The following SLC25A43 variants were observed in gnomAD, a reference collection of about 807,000 sequenced individuals.
The protein encoded by SLC25A43 is solute carrier family 25, member 43.
A neutral mutation model predicts 22.8 loss-of-function variants in SLC25A43; 10 were observed. The observed-to-expected ratio is 0.44, with a 90% CI of 0.27 to 0.74. SLC25A43 has a LOEUF of 0.74. SLC25A43 is among the 30% of genes least tolerant of loss of function. The probability of loss-of-function intolerance (pLI) is 0.17; values close to 1 mark genes in which losing one functional copy is unlikely to be tolerated. For missense variants in SLC25A43, 233 were observed against 279.1 expected (o/e 0.83, Z 1.18); for synonymous variants, 106 against 121.6 (o/e 0.87, Z 0.84).
At chrX:119,418,470 G>A (rs775421423) in intron 3 of SLC25A43, among the ~76,000 whole-genome samples, 1 of 111,729 alleles carries the variant, frequency 9.0e-6, no homozygotes, top group East Asian at 2.8e-4. Flanking sequence ...AATTTTTCTC[G>A]ATCCCTGCAC....
Position 119,399,488 on chromosome X carries a change from C to G in SLC25A43, c.85C>G (p.Leu29Val). ...AGLAGTLSLS[L>V]TAPLELATVL... is the part of the protein sequence containing the mutation. ...GCTGGCGGGGACGCTCAGCCTCAGC[C>G]TCACCGCGCCCCTGGAGCTCGCCAC... Residue 29 changes from leucine to valine, a missense_variant, in exon 1 of 5, where the codon CTC becomes GTC. Coordinates refer to ENST00000217909, the MANE Select transcript of SLC25A43 (RefSeq NM_145305.3). 1 of 1,093,660 alleles carries G rather than the reference C, an allele frequency of 9.1e-7. No homozygotes were observed. The highest frequency in any genetic ancestry group is 1.2e-6 in the Non-Finnish European group (1 of 840,526). The allele number at this position is 1,093,660 out of a possible 1,213,427, so 90.1% of individuals were successfully genotyped here.
intron 3 of SLC25A43, among the ~76,000 whole-genome samples, chrX:119,426,817 A>T (rs1011198666): frequency 7.0e-5 from 1 of 14,333 alleles, no homozygotes; most frequent in Non-Finnish European, 1.6e-4. Context: ...AACTCTATTT[A>T]AAAAAAAAAA....
At chrX:119,430,649 A>C (rs146917784) in intron 3 of SLC25A43, among the ~76,000 whole-genome samples, 6,428 of 112,265 alleles carry the variant, frequency 0.057, 172 homozygotes, top group South Asian at 0.11. Flanking sequence ...GCTTGTAAAA[A>C]GTGCTAATGT....
rs1307691151 is a variant in SLC25A43 at position 119,448,813 on chromosome X, T to C, written c.691-3196T>C. ...CTTCCCCTGCAATTAGACTTTCAGC[T>C]TTATAGGAACAGGGACTTTTGTCTG... On this transcript the variant is annotated intron_variant, in intron 3 of 4. Transcript: ENST00000217909. Among the ~76,000 whole-genome samples, 3 of 112,318 alleles carry C rather than the reference T, an allele frequency of 2.7e-5. No homozygotes were observed. The Admixed American group carries it at 2.8e-4, about 11-fold the overall frequency.
At chrX:119,416,381 G>A (rs887352485) in intron 3 of SLC25A43, among the ~76,000 whole-genome samples, 4 of 110,989 alleles carry the variant, frequency 3.6e-5, no homozygotes, top group Middle Eastern at 4.6e-3. Flanking sequence ...CACCACGCCC[G>A]GCTAAGTTTT....
At chrX:119,451,063 T>C (rs1239970351) in intron 3 of SLC25A43, among the ~76,000 whole-genome samples, 2 of 111,287 alleles carry the variant, frequency 1.8e-5, no homozygotes, top group Non-Finnish European at 3.8e-5. Flanking sequence ...CTCAGGAGGC[T>C]GTGACAGGAG....
intron 3 of SLC25A43, among the ~76,000 whole-genome samples, chrX:119,433,110 T>TAAA (rs1297568199): frequency 9.0e-6 from 1 of 110,796 alleles, no homozygotes; most frequent in Non-Finnish European, 1.9e-5. Flanking sequence ...AAAATAAAAA[T>TAAA]AAAAGAGAGA....
intron 3 of SLC25A43, among the ~76,000 whole-genome samples, chrX:119,420,938 C>T (rs1285396257): frequency 9.1e-6 from 1 of 110,061 alleles, no homozygotes; most frequent in Non-Finnish European, 1.9e-5. Context: ...GAAACCCCGT[C>T]TCTACTAAAA....
At chrX:119,426,020 G>A (rs781204915) in intron 3 of SLC25A43, among the ~76,000 whole-genome samples, 1 of 111,736 alleles carries the variant, frequency 8.9e-6, no homozygotes, top group East Asian at 2.8e-4. Context: ...CCTAAGATAG[G>A]ATGTTCCCAC....
At chrX:119,434,367 A>C in intron 3 of SLC25A43, among the ~76,000 whole-genome samples, 1 of 108,825 alleles carries the variant, frequency 9.2e-6, no homozygotes, top group East Asian at 2.9e-4. Context: ...TGATTACATG[A>C]TCCTGTGGCT....
At chrX:119,406,334 T>C in intron 1 of SLC25A43, 126 bp from the exon 2 acceptor site, 1 of 767,742 alleles carries the variant, frequency 1.3e-6, no homozygotes, top group Non-Finnish European at 1.9e-6. Context: ...GCTTATATAG[T>C]ACTATAGTAA....
At chrX:119,441,394 G>T (rs971385317) in intron 3 of SLC25A43, among the ~76,000 whole-genome samples, 1 of 98,776 alleles carries the variant, frequency 1.0e-5, no homozygotes, top group African/African-American at 3.7e-5. Flanking sequence ...AGATGAACCC[G>T]GTACCTCAGA....
chrX:119,418,565 T>A (rs1036403381), intron 3 of SLC25A43, among the ~76,000 whole-genome samples: 3 of 112,348 alleles, frequency 2.7e-5, no homozygotes, highest in Non-Finnish European at 3.8e-5. Context: ...CACATCAGGT[T>A]GGAACTCTTT....
At position 119,452,790 on chromosome X, in the gene SLC25A43, A is replaced by G. The variant is rs973945878; in HGVS notation, c.826-75A>G. 30 of 829,053 alleles carry G rather than the reference A, an allele frequency of 3.6e-5. No homozygotes were observed. The African/African-American group carries it at 5.9e-4, about 16-fold the overall frequency. The allele number at this position is 829,053 out of a possible 1,213,427, so 68.3% of individuals were successfully genotyped here. A position where few individuals can be genotyped will look rare whatever the true frequency, so the allele number is the denominator to read the frequency against. On this transcript the variant is annotated intron_variant, in intron 4 of 4. Coordinates refer to ENST00000217909, the MANE Select transcript of SLC25A43 (RefSeq NM_145305.3). Reference sequence around the variant, plus strand: ...TCACTTTACAAGATAATTTACCCTGATCCAAGTTGACTGCAGACACATTGA... The same window carrying G: ...TCACTTTACAAGATAATTTACCCTGGTCCAAGTTGACTGCAGACACATTGA...
At chrX:119,403,295 C>CT (rs776771260) in intron 1 of SLC25A43, among the ~76,000 whole-genome samples, 131 of 101,450 alleles carry the variant, frequency 1.3e-3, no homozygotes, top group South Asian at 9.6e-3. Context: ...TCAAAAATTT[C>CT]TTTTTTTTTT....
At chrX:119,425,511 G>A (rs970627448) in intron 3 of SLC25A43, among the ~76,000 whole-genome samples, 2 of 109,586 alleles carry the variant, frequency 1.8e-5, no homozygotes, top group African/African-American at 6.7e-5. Context: ...GTGGAGAGGA[G>A]TGGAGCCTTA....
rs181289832 is a variant in SLC25A43, at chrX:119,453,423, A to T, written c.*358A>T. 1 of 196,838 alleles carries T rather than the reference A, an allele frequency of 5.1e-6. No individual in the cohort carries two copies. Among genetic ancestry groups the T allele is most frequent in the Non-Finnish European group, 9.2e-6 (1 of 108,605 alleles). 16.2% of individuals were successfully genotyped at this position (196,838 alleles called of 1,213,427 possible). A position where few individuals can be genotyped will look rare whatever the true frequency, so the allele number is the denominator to read the frequency against. ...AGGTAATTGAAGTGGCTGAGTGGAT[A>T]CCACGTTGTGAGGTCAGCCACTGGG... is the stretch of plus-strand genomic sequence containing the variant. On this transcript the variant is annotated 3_prime_UTR_variant, in exon 5 of 5. Transcript: ENST00000217909.
intron 2 of SLC25A43, among the ~76,000 whole-genome samples, chrX:119,408,477 C>G (rs1310368519): frequency 9.0e-6 from 1 of 111,142 alleles, no homozygotes; most frequent in African/African-American, 3.3e-5. Context: ...TGACTTTGCC[C>G]TGGCTGTCTG....
rs970512907 is a variant in SLC25A43 at position 119,426,132 on chromosome X, G to C, written c.690+15770G>C. On this transcript the variant is annotated intron_variant, in intron 3 of 4. Transcript: ENST00000217909. ...TGTCAAGAGGGAGGACCCGCAGCTG[G>C]CTGGGAGCATTCACAGGAAGTACCA... 1.8e-5 allele frequency: 11 copies of C among 628,059 alleles called. No homozygotes were observed. In the African/African-American group the frequency reaches 2.4e-4, roughly 14 times the overall value. 51.8% of individuals were successfully genotyped at this position (628,059 alleles called of 1,213,427 possible). A position where few individuals can be genotyped will look rare whatever the true frequency, so the allele number is the denominator to read the frequency against.
Sources: gnomAD v4.1 joint callset for allele counts (sites outside exome capture counted in the v4.1 genomes callset) on GRCh38, gnomAD v4.1.1 for gene constraint, MANE v1.5 for transcripts, NCBI Gene and HGNC (gene_info 2026-07-23, HGNC 2026-07-21) for gene names.